Variants in PIP4K2A observed in about 807,000 individuals in gnomAD.
PIP4K2A encodes phosphatidylinositol 5-phosphate 4-kinase type-2 alpha.
A neutral mutation model predicts 42.9 loss-of-function variants in PIP4K2A; 14 were observed. The ratio of observed to expected loss-of-function variants is 0.33; its 90% confidence interval spans 0.22 to 0.51. The LOEUF is 0.51. Among genes scored for constraint, PIP4K2A ranks in the 20% least tolerant of loss-of-function variants. The probability of loss-of-function intolerance (pLI) is 0.97; values close to 1 mark genes in which losing one functional copy is unlikely to be tolerated. For missense variants in PIP4K2A, 434 were observed against 519.8 expected, an observed-to-expected ratio of 0.83 and a Z score of 1.61; for synonymous variants, 192 against 192.2, an observed-to-expected ratio of 1.00 and a Z score of 0.01.
At position 22,671,511 on chromosome 10, in the gene PIP4K2A, G is replaced by A. The variant is rs1159522985; in HGVS notation, c.144+42672C>T. ...GTGGCAGCCTGATGCCTGGCACTGCGATAAACAAGACTGCCCACCTGGGTC... is the reference window on the plus strand; with the variant it reads ...GTGGCAGCCTGATGCCTGGCACTGCAATAAACAAGACTGCCCACCTGGGTC... On this transcript the variant is annotated intron_variant, in intron 1 of 9. Transcript: ENST00000376573. Among the ~76,000 whole-genome samples the A allele has an allele frequency of 3.9e-5, 6 of 152,228 alleles. No homozygotes were observed. The South Asian group carries it at 6.2e-4, about 16-fold the overall frequency.
At chr10:22,690,547 A>G (rs769172143) in intron 1 of PIP4K2A, among the ~76,000 whole-genome samples, 41 of 150,724 alleles carry the variant, frequency 2.7e-4, no homozygotes, top group Non-Finnish European at 4.9e-4. Context: ...AGTAACAAAA[A>G]CCCAACATAT....
At chr10:22,562,351 A>G (rs1836732112) in intron 6 of PIP4K2A, among the ~76,000 whole-genome samples, 1 of 152,218 alleles carries the variant, frequency 6.6e-6, no homozygotes, top group Non-Finnish European at 1.5e-5. Context: ...GATCGAGACC[A>G]TCCTGGCTAA....
At chr10:22,672,756 C>CA (rs1427283751) in intron 1 of PIP4K2A, among the ~76,000 whole-genome samples, 1 of 152,184 alleles carries the variant, frequency 6.6e-6, no homozygotes, top group Non-Finnish European at 1.5e-5. Context: ...TCTGATAACT[C>CA]ACATGAGTCA....
chr10:22,615,546 C>T (rs1378634331), intron 1 of PIP4K2A, among the ~76,000 whole-genome samples: 1 of 152,208 alleles, frequency 6.6e-6, no homozygotes, highest in Non-Finnish European at 1.5e-5. Context: ...AAGAATCATA[C>T]ACCCTTTATA....
intron 5 of PIP4K2A, among the ~76,000 whole-genome samples, chr10:22,569,681 C>CTG (rs748006080): frequency 5.9e-5 from 9 of 151,964 alleles, no homozygotes; most frequent in African/African-American, 1.7e-4. Flanking sequence ...CTGTCTGTGT[C>CTG]TGTGTGTGTG....
intron 3 of PIP4K2A, among the ~76,000 whole-genome samples, chr10:22,602,427 G>GAAAGAA (rs751658470): frequency 1.3e-5 from 2 of 150,350 alleles, no homozygotes; most frequent in Non-Finnish European, 3.0e-5. Flanking sequence ...AGAAAAGAAA[G>GAAAGAA]AAAGAAAAAG....
At chr10:22,661,063 T>C (rs1839196601) in intron 1 of PIP4K2A, among the ~76,000 whole-genome samples, 2 of 152,196 alleles carry the variant, frequency 1.3e-5, no homozygotes, top group African/African-American at 4.8e-5. Flanking sequence ...TTCCACTCAG[T>C]TTTGCTGTGA....
At chr10:22,596,073 G>T (rs757140586) in intron 3 of PIP4K2A, among the ~76,000 whole-genome samples, 1 of 149,778 alleles carries the variant, frequency 6.7e-6, no homozygotes, top group Non-Finnish European at 1.5e-5. Context: ...GGCGTGGTGG[G>T]GCATGCCTGT....
chr10:22,566,012 G>A (rs957878563), intron 6 of PIP4K2A, among the ~76,000 whole-genome samples: 9 of 152,150 alleles, frequency 5.9e-5, no homozygotes, highest in Admixed American at 5.9e-4. Context: ...AATGACAGTG[G>A]TGCCCGAAAC....
At chr10:22,597,372 C>T (rs1449233521) in intron 3 of PIP4K2A, among the ~76,000 whole-genome samples, 1 of 152,120 alleles carries the variant, frequency 6.6e-6, no homozygotes, top group Non-Finnish European at 1.5e-5. Flanking sequence ...CGATGTCAAC[C>T]CTAAGAATTC....
rs368129770 is a variant in PIP4K2A, at chr10:22,642,224, GCT to G, written c.145-32509_145-32508del. Among the ~76,000 whole-genome samples, 11 of 152,280 alleles carry G rather than the reference GCT, an allele frequency of 7.2e-5. No homozygotes were observed. In the East Asian group the frequency reaches 1.5e-3, roughly 21 times the overall value. ...TGCACCCTCGGATCCTGGAGACAAA[GCT>G]CTCTTTCTGCTTAGTCTGAATTGGG... On this transcript the variant is annotated intron_variant, in intron 1 of 9. Coordinates refer to ENST00000376573, the MANE Select transcript of PIP4K2A (RefSeq NM_005028.5).
At chr10:22,612,870 G>T (rs1778316) in intron 1 of PIP4K2A, among the ~76,000 whole-genome samples, 82,250 of 151,890 alleles carry the variant, frequency 0.54, 24,293 homozygotes, top group East Asian at 0.87. Flanking sequence ...CCCAGGGGCA[G>T]CAGGGGCAAG....
chr10:22,607,475 T>C (rs1469169802), intron 3 of PIP4K2A, among the ~76,000 whole-genome samples: 17 of 152,110 alleles, frequency 1.1e-4, no homozygotes, highest in Non-Finnish European at 1.5e-5. Flanking sequence ...TTGACAAAAA[T>C]GCTGCAGCAA....
intron 7 of PIP4K2A, among the ~76,000 whole-genome samples, chr10:22,548,271 G>GA (rs1163067517): frequency 6.6e-6 from 1 of 152,168 alleles, no homozygotes; most frequent in African/African-American, 2.4e-5. Context: ...CCATTTCAAC[G>GA]AAACAGCTAA....
At chr10:22,632,555 G>A (rs1798114986) in intron 1 of PIP4K2A, among the ~76,000 whole-genome samples, 1 of 152,264 alleles carries the variant, frequency 6.6e-6, no homozygotes, top group East Asian at 1.9e-4. Flanking sequence ...ATTAATTGGA[G>A]TATTTCTCTC....
At chr10:22,677,274 G>A (rs1839577420) in intron 1 of PIP4K2A, among the ~76,000 whole-genome samples, 1 of 152,176 alleles carries the variant, frequency 6.6e-6, no homozygotes, top group African/African-American at 2.4e-5. Flanking sequence ...TCTGGAGACT[G>A]TATTATCATA....
At chr10:22,589,971 T>G (rs1399657748) in intron 4 of PIP4K2A, among the ~76,000 whole-genome samples, 2 of 152,172 alleles carry the variant, frequency 1.3e-5, no homozygotes, top group African/African-American at 4.8e-5. Context: ...GTGATGGTAT[T>G]AGGAGGTGGG....
chr10:22,671,514 A>C (rs554402353), intron 1 of PIP4K2A, among the ~76,000 whole-genome samples: 4 of 152,256 alleles, frequency 2.6e-5, no homozygotes, highest in African/African-American at 9.6e-5. Flanking sequence ...GCACTGCGAT[A>C]AACAAGACTG....
At chr10:22,578,671 G>T (rs774170279) in intron 4 of PIP4K2A, among the ~76,000 whole-genome samples, 1 of 150,448 alleles carries the variant, frequency 6.6e-6, no homozygotes, top group Non-Finnish European at 1.5e-5. Flanking sequence ...TCTGCGTCTC[G>T]ATAACCCCCA....
Sources: allele counts gnomAD v4.1 joint callset (sites outside exome capture counted in the v4.1 genomes callset), GRCh38; gene constraint gnomAD v4.1.1; transcripts MANE v1.5; gene names NCBI Gene and HGNC (gene_info 2026-07-23, HGNC 2026-07-21).